The following RASGEF1B variants were observed in gnomAD, a reference collection of about 807,000 sequenced individuals.
RASGEF1B encodes ras-GEF domain-containing family member 1B.
RASGEF1B carries 30 observed loss-of-function variants against 65.7 expected under a neutral mutation model. The observed-to-expected ratio is 0.46, with a 90% CI of 0.34 to 0.62. The LOEUF (loss-of-function observed/expected upper bound fraction) is 0.62. RASGEF1B is among the 20% of genes least tolerant of loss of function. The pLI, the probability that RASGEF1B is intolerant of heterozygous loss-of-function variation, is 0.01. For missense variants in RASGEF1B, 495 were observed against 580.1 expected, an observed-to-expected ratio of 0.85 and a Z score of 1.51; for synonymous variants, 175 against 194.8, an observed-to-expected ratio of 0.90 and a Z score of 0.85.
intron 1 of RASGEF1B, among the ~76,000 whole-genome samples, chr4:81,466,016 A>G (rs1163084397): frequency 6.6e-6 from 1 of 152,236 alleles, no homozygotes; most frequent in Non-Finnish European, 1.5e-5. Context: ...GTTGACCATA[A>G]TATTTTAGCT....
intron 1 of RASGEF1B, among the ~76,000 whole-genome samples, chr4:81,468,698 C>T (rs1266710836): frequency 2.6e-5 from 4 of 152,164 alleles, no homozygotes; most frequent in Non-Finnish European, 4.4e-5. Context: ...AAAGAAATTT[C>T]ACTCTCCTCT....
intron 4 of RASGEF1B, chr4:81,455,786 TA>T (rs1191049791): frequency 5.3e-5 from 8 of 152,252 alleles, no homozygotes; most frequent in African/African-American, 1.9e-4. Flanking sequence ...TATGAAAGCC[TA>T]TCTAAGAGAC....
At chr4:81,439,268 T>C (rs960387418) in intron 10 of RASGEF1B, among the ~76,000 whole-genome samples, 1 of 152,214 alleles carries the variant, frequency 6.6e-6, no homozygotes, top group Non-Finnish European at 1.5e-5. Flanking sequence ...TATTGTTTCT[T>C]GACTTTTTAA....
At chr4:81,436,829 T>C (rs913437609) in intron 10 of RASGEF1B, among the ~76,000 whole-genome samples, 1 of 152,258 alleles carries the variant, frequency 6.6e-6, no homozygotes, top group East Asian at 1.9e-4. Context: ...AAAACAAGTT[T>C]TGATTATTTT....
At chr4:81,430,742 T>C (rs1425844205) in intron 13 of RASGEF1B, among the ~76,000 whole-genome samples, 2 of 152,234 alleles carry the variant, frequency 1.3e-5, no homozygotes, top group African/African-American at 4.8e-5. Flanking sequence ...ATTATACAGT[T>C]CAATCTTTAG....
chr4:81,429,502 A>C (rs967271073), intron 13 of RASGEF1B, among the ~76,000 whole-genome samples: 2 of 152,140 alleles, frequency 1.3e-5, no homozygotes, highest in Non-Finnish European at 2.9e-5. Context: ...GCTAGGGCTC[A>C]ACCCCCACGG....
rs201196982 is a variant in RASGEF1B, at chr4:81,448,298, G to A, written c.439-14C>T. 20 of 1,603,468 alleles carry A rather than the reference G, an allele frequency of 1.2e-5. No individual in the cohort carries two copies. The highest frequency in any genetic ancestry group is 5.4e-5 in the African/African-American group (4 of 74,744). ...TCTGTATGTCTGCTAGGGAATAAGC[G>A]AAGAATTACATCCGTACTCTGCGTG... On this transcript the variant is annotated splice_polypyrimidine_tract_variant and intron_variant, in intron 4 of 13. Transcript: ENST00000264400.
chr4:81,449,447 C>T (rs1307034892), intron 4 of RASGEF1B, among the ~76,000 whole-genome samples: 1 of 152,218 alleles, frequency 6.6e-6, no homozygotes, highest in Admixed American at 6.5e-5. Context: ...AATCCCAGGG[C>T]ACAGCTATGA....
chr4:81,461,829 A>G (rs1315754923), intron 1 of RASGEF1B, among the ~76,000 whole-genome samples: 1 of 152,190 alleles, frequency 6.6e-6, no homozygotes, highest in Non-Finnish European at 1.5e-5. Flanking sequence ...CCAAGGGGGT[A>G]AGGTGACCAG....
chr4:81,445,969 G>C, intron 6 of RASGEF1B, 131 bp from the exon 7 acceptor site: 2 of 658,650 alleles, frequency 3.0e-6, no homozygotes, highest in South Asian at 1.9e-5. Context: ...CAGAAAGAGA[G>C]AGAGAAAGAC....
rs1001153387 is a variant in RASGEF1B, at chr4:81,428,567, TACA to T, written c.1398-778_1398-776del. On this transcript the variant is annotated intron_variant, in intron 13 of 13. Coordinates refer to ENST00000264400, the MANE Select transcript of RASGEF1B (RefSeq NM_152545.3). ...AAATTAATCTAGAGATGATTTATGG[TACA>T]ACAACTATTTACATAGCATTTACAT... 2.4e-4 allele frequency among the ~76,000 whole-genome samples: 36 copies of T among 152,370 alleles called. 1 individual carries two copies. The highest frequency in any genetic ancestry group is 1.2e-3 in the South Asian group (6 of 4,830).
chr4:81,460,702 T>C (rs998124461), intron 1 of RASGEF1B, among the ~76,000 whole-genome samples: 1 of 152,060 alleles, frequency 6.6e-6, no homozygotes, highest in African/African-American at 2.4e-5. Context: ...GGGTGGGGCA[T>C]TAAGAGAAAA....
intron 1 of RASGEF1B, among the ~76,000 whole-genome samples, chr4:81,463,467 A>C (rs1202304490): frequency 6.6e-6 from 1 of 152,246 alleles, no homozygotes; most frequent in East Asian, 1.9e-4. Flanking sequence ...AAATATAGTA[A>C]TATTTGCTTG....
intron 1 of RASGEF1B, among the ~76,000 whole-genome samples, chr4:81,460,972 G>A (rs1332015025): frequency 6.6e-6 from 1 of 152,176 alleles, no homozygotes; most frequent in Non-Finnish European, 1.5e-5. Context: ...GTAGCACATA[G>A]TCATAGCAGC....
rs1203730364 is a variant in RASGEF1B, at chr4:81,448,302, A to G, written c.439-18T>C. ...TATGTCTGCTAGGGAATAAGCGAAGAATTACATCCGTACTCTGCGTGTCTG... is the reference window on the plus strand; with the variant it reads ...TATGTCTGCTAGGGAATAAGCGAAGGATTACATCCGTACTCTGCGTGTCTG... On this transcript the variant is annotated intron_variant, in intron 4 of 13. Coordinates refer to ENST00000264400, the MANE Select transcript of RASGEF1B (RefSeq NM_152545.3). 2 of 1,600,812 alleles carry G rather than the reference A, an allele frequency of 1.2e-6. No individual in the cohort carries two copies. Among genetic ancestry groups the G allele is most frequent in the Admixed American group, 3.3e-5 (2 of 60,004 alleles).
intron 9 of RASGEF1B, 39 bp from the exon 10 acceptor site, chr4:81,440,968 A>T (rs748683704): frequency 2.3e-5 from 31 of 1,338,348 alleles, no homozygotes; most frequent in Non-Finnish European, 3.2e-5. Flanking sequence ...CTATTTATTT[A>T]TTGTAAACTT....
In RASGEF1B at chr4:81,445,647, T is replaced by G. The variant is rs757763559; in HGVS notation, c.826-19A>C. 2.8e-5 allele frequency: 45 copies of G among 1,596,802 alleles called. No homozygotes were observed. In the Admixed American group the frequency reaches 7.2e-4, roughly 25 times the overall value. Reference sequence around the variant, plus strand: ...TAACAGGCTACACAGTAAAAGACAATAGAGGGCAGTTATCCAGTATGAAGG... The same window carrying G: ...TAACAGGCTACACAGTAAAAGACAAGAGAGGGCAGTTATCCAGTATGAAGG... On this transcript the variant is annotated intron_variant, in intron 7 of 13. Coordinates refer to ENST00000264400, the MANE Select transcript of RASGEF1B (RefSeq NM_152545.3).
chr4:81,446,435 G>A (rs960439664), intron 6 of RASGEF1B, among the ~76,000 whole-genome samples: 1 of 152,102 alleles, frequency 6.6e-6, no homozygotes, highest in Non-Finnish European at 1.5e-5. Context: ...TGTATCTTCA[G>A]AAACACAATT....
chr4:81,454,204 CA>C (rs886732797), intron 4 of RASGEF1B: 1 of 152,150 alleles, frequency 6.6e-6, no homozygotes, highest in African/African-American at 2.4e-5. Flanking sequence ...TTCTGTTAAA[CA>C]AAAAGACCAA....
Sources: gnomAD v4.1 joint callset for allele counts (sites outside exome capture counted in the v4.1 genomes callset) on GRCh38, gnomAD v4.1.1 for gene constraint, MANE v1.5 for transcripts, NCBI Gene and HGNC (gene_info 2026-07-23, HGNC 2026-07-21) for gene names.